CCR5AS: variants seen among roughly 807,000 people sequenced by gnomAD.
CCR5AS encodes the protein CCR5 antisense RNA.
chr3:46,406,452 C>T (rs1476704063), intron 1 of CCR5AS, among the ~76,000 whole-genome samples: 3 of 151,948 alleles, frequency 2.0e-5, no homozygotes, highest in Non-Finnish European at 1.5e-5. Context: ...AGCCTCCCCT[C>T]CCCACAGCCT....
At chr3:46,398,355 A>G (rs144850809) in intron 1 of CCR5AS, among the ~76,000 whole-genome samples, 10,434 of 152,286 alleles carry the variant, frequency 0.069, 536 homozygotes, top group South Asian at 0.2. Context: ...ACACACTCAC[A>G]TTGAAACTGC....
chr3:46,392,844 A>T (rs979223480), exon 2 of CCR5AS: 3 of 216,266 alleles, frequency 1.4e-5, no homozygotes, highest in East Asian at 1.6e-4. Flanking sequence ...AATTGGTGAG[A>T]TGTTCCTTGG....
Position 46,373,906 on chromosome 3 carries a change from C to T in CCR5AS, n.392-2489G>A, listed in dbSNP as rs1800944. 3,286 of 1,607,354 alleles carry T rather than the reference C, an allele frequency of 2.0e-3. 51 individuals carry two copies. In the African/African-American group the frequency reaches 0.037, roughly 18 times the overall value. Reference sequence around the variant, plus strand: ...TTCCAGCAAGAGGCTCCCGAGCGAGCAAGCTCAGTTTACACCCGATCCACT... The same window carrying T: ...TTCCAGCAAGAGGCTCCCGAGCGAGTAAGCTCAGTTTACACCCGATCCACT... On this transcript the variant is annotated intron_variant and non_coding_transcript_variant, in intron 2 of 3. Coordinates refer to ENST00000451485, the Ensembl canonical transcript of CCR5AS.
At chr3:46,396,000 C>T (rs1416726430) in intron 1 of CCR5AS, among the ~76,000 whole-genome samples, 1 of 152,120 alleles carries the variant, frequency 6.6e-6, no homozygotes, top group Admixed American at 6.5e-5. Context: ...TGGGACTGTC[C>T]TTGGGGGAGA....
At chr3:46,398,214 C>T (rs530960453) in intron 1 of CCR5AS, among the ~76,000 whole-genome samples, 35 of 152,082 alleles carry the variant, frequency 2.3e-4, no homozygotes, top group Admixed American at 6.5e-4. Context: ...AACCCAGGCG[C>T]GGAAAATTCA....
Position 46,372,773 on chromosome 3 carries a change from A to G in CCR5AS, n.392-1356T>C, listed in dbSNP as rs1035262835. On this transcript the variant is annotated intron_variant and non_coding_transcript_variant, in intron 2 of 3. Coordinates refer to ENST00000451485, the Ensembl canonical transcript of CCR5AS. ...CTTGGCCAAAAAGAGAGTTAATTCA[A>G]TGTAGACATCTATGTAGGCAATTAA... 4.4e-6 allele frequency: 3 copies of G among 680,466 alleles called. No individual in the cohort carries two copies. In the Admixed American group the frequency reaches 8.5e-5, roughly 19 times the overall value. The allele number at this position is 680,466 out of a possible 1,614,324, so 42.2% of individuals were successfully genotyped here.
At chr3:46,369,201 T>A (rs1411109383) in intron 3 of CCR5AS, among the ~76,000 whole-genome samples, 1 of 152,196 alleles carries the variant, frequency 6.6e-6, no homozygotes, top group Non-Finnish European at 1.5e-5. Context: ...TGGGTTTTTT[T>A]AAAACCTCCA....
At chr3:46,382,096 G>A (rs934955330) in intron 2 of CCR5AS, among the ~76,000 whole-genome samples, 5 of 152,228 alleles carry the variant, frequency 3.3e-5, no homozygotes, top group Admixed American at 1.3e-4. Context: ...AAGCTTGCAC[G>A]GGTGAATGCC....
At chr3:46,385,052 G>A (rs181114434) in intron 2 of CCR5AS, among the ~76,000 whole-genome samples, 31 of 152,272 alleles carry the variant, frequency 2.0e-4, no homozygotes, top group African/African-American at 7.5e-4. Flanking sequence ...CCTCCCCTCT[G>A]CTCTGCCCTC....
chr3:46,379,694 A>G (rs1701799466), intron 2 of CCR5AS, among the ~76,000 whole-genome samples: 1 of 152,120 alleles, frequency 6.6e-6, no homozygotes, highest in Non-Finnish European at 1.5e-5. Context: ...CAGGAGTTCA[A>G]GACCGGCCTG....
intron 2 of CCR5AS, among the ~76,000 whole-genome samples, chr3:46,390,273 G>T (rs1485501506): frequency 1.3e-5 from 2 of 152,130 alleles, no homozygotes; most frequent in African/African-American, 2.4e-5. Context: ...TAACAGAATA[G>T]AGTTGTGGAA....
intron 1 of CCR5AS, chr3:46,393,155 A>C (rs1701927224): frequency 6.6e-6 from 1 of 152,130 alleles, no homozygotes; most frequent in Non-Finnish European, 1.5e-5. Context: ...TCTTGCAGGC[A>C]AGGGCAGGGG....
At chr3:46,397,395 C>A (rs542278129) in intron 1 of CCR5AS, among the ~76,000 whole-genome samples, 4 of 152,202 alleles carry the variant, frequency 2.6e-5, no homozygotes, top group African/African-American at 4.8e-5. Context: ...AGAAGCCAAA[C>A]GGCACACTTA....
At chr3:46,364,496 C>T (rs1274315905) in exon 4 of CCR5AS, among the ~76,000 whole-genome samples, 1 of 152,192 alleles carries the variant, frequency 6.6e-6, no homozygotes, top group Non-Finnish European at 1.5e-5. Flanking sequence ...CCATGTCGAT[C>T]AAGAGCTGTG....
chr3:46,400,037 G>T (rs1049649664), intron 1 of CCR5AS, among the ~76,000 whole-genome samples: 23 of 152,106 alleles, frequency 1.5e-4, no homozygotes, highest in African/African-American at 5.6e-4. Flanking sequence ...ACACAGGCTG[G>T]AGTGTAGTAG....
At chr3:46,394,477 ACT>A (rs550672293) in intron 1 of CCR5AS, among the ~76,000 whole-genome samples, 52 of 151,798 alleles carry the variant, frequency 3.4e-4, no homozygotes, top group African/African-American at 1.3e-3. Context: ...CATTCCTGTC[ACT>A]CTACCATTTC....
chr3:46,373,108 T>G (rs781160743), intron 2 of CCR5AS: 2 of 1,614,196 alleles, frequency 1.2e-6, no homozygotes, highest in East Asian at 4.5e-5. Flanking sequence ...GACATCTACC[T>G]GCTCAACCTG....
intron 2 of CCR5AS, chr3:46,375,625 G>C (rs933979640): frequency 6.3e-6 from 1 of 158,982 alleles, no homozygotes; most frequent in Non-Finnish European, 1.5e-5. Context: ...ACCCACAAAA[G>C]TACAATTTAC....
At chr3:46,402,090 C>T (rs1461685749) in intron 1 of CCR5AS, among the ~76,000 whole-genome samples, 1 of 151,838 alleles carries the variant, frequency 6.6e-6, no homozygotes, top group Non-Finnish European at 1.5e-5. Flanking sequence ...GCCTCCCATC[C>T]TTTTTTTTAC....
Sources: gnomAD v4.1 joint callset for allele counts (sites outside exome capture counted in the v4.1 genomes callset) on GRCh38, gnomAD v4.1.1 for gene constraint, MANE v1.5 for transcripts, NCBI Gene and HGNC (gene_info 2026-07-23, HGNC 2026-07-21) for gene names.